The following KIAA1614 variants were observed in gnomAD, a reference collection of about 807,000 sequenced individuals.
The protein encoded by KIAA1614 is uncharacterized protein KIAA1614.
A neutral mutation model predicts 88.7 loss-of-function variants in KIAA1614; 76 were observed. That is an observed-to-expected ratio of 0.86 (90% CI 0.71 to 1.04). KIAA1614 has a LOEUF of 1.04. Ranked by LOEUF, KIAA1614 falls within the 50% of genes least tolerant of loss-of-function variation. The pLI is 0.00. For missense variants in KIAA1614, 1,553 were observed against 1,582.5 expected (o/e 0.98, Z 0.32); for synonymous variants, 714 against 675.5 (o/e 1.06, Z -0.88).
In KIAA1614 at chr1:180,913,208, G is replaced by A. The variant is rs1244209530; in HGVS notation, c.-36G>A. On this transcript the variant is annotated 5_prime_UTR_variant, in exon 1 of 9. Transcript: ENST00000367588. ...CGAACCCAGCAGCTGGCCTGGGAGG[G>A]AGAAGGGGCTGGAGAGGGCCTGGCC... is the stretch of plus-strand genomic sequence containing the variant. 2 of 1,253,318 alleles carry A rather than the reference G, an allele frequency of 1.6e-6. No individual in the cohort carries two copies. The highest frequency in any genetic ancestry group is 2.0e-6 in the Non-Finnish European group (2 of 991,360). The allele number at this position is 1,253,318 out of a possible 1,614,324, so 77.6% of individuals were successfully genotyped here.
chr1:180,930,066 C>G (rs1654160324), intron 4 of KIAA1614, among the ~76,000 whole-genome samples: 1 of 152,162 alleles, frequency 6.6e-6, no homozygotes, highest in Non-Finnish European at 1.5e-5. Flanking sequence ...AACAGACTGC[C>G]CTTGTATTTC....
Position 180,916,511 on chromosome 1 carries a change from A to G in KIAA1614, c.408A>G (p.Pro136=), listed in dbSNP as rs772889169. The change falls in exon 2 of 9, where the codon CCA becomes CCG. Residue 136 remains proline (P), a synonymous_variant. Coordinates refer to ENST00000367588, the MANE Select transcript of KIAA1614 (RefSeq NM_020950.2). ...AGTPSEGSFL[P]GAVVAPRTQN... is the part of the protein sequence containing the mutation. ...CTCCATCAGAGGGGTCTTTCCTGCC[A>G]GGTGCTGTGGTGGCTCCTCGTACCC... 1.2e-6 allele frequency: 2 copies of G among 1,614,056 alleles called. No homozygotes were observed. The highest frequency in any genetic ancestry group is 4.5e-5 in the East Asian group (2 of 44,874).
rs1282564030 is a variant in KIAA1614 at position 180,935,252 on chromosome 1, C to T, written c.1343C>T (p.Ser448Leu). Residue 448 changes from serine (S) to leucine (L), a missense_variant, in exon 5 of 9, where the codon TCG becomes TTG. By Grantham distance (145) the Ser-to-Leu change is moderately radical. Coordinates refer to ENST00000367588, the MANE Select transcript of KIAA1614 (RefSeq NM_020950.2). The surrounding 1 kb of genome is among the most constrained non-coding windows in gnomAD (Gnocchi z 6.1). Reference protein sequence around the residue: ...GHRPRRGPSPSHVRFEDESAR... With the variant: ...GHRPRRGPSPLHVRFEDESAR... ...AGGCCGAGGCGGGGCCCCTCGCCGT[C>T]GCACGTGCGCTTTGAGGATGAGTCC... 1 of 1,524,820 alleles carries T rather than the reference C, an allele frequency of 6.6e-7. No individual in the cohort carries two copies. The highest frequency in any genetic ancestry group is 1.3e-5 in the South Asian group (1 of 78,490). The allele number at this position is 1,524,820 out of a possible 1,614,324, so 94.5% of individuals were successfully genotyped here. A position where few individuals can be genotyped will look rare whatever the true frequency, so the allele number is the denominator to read the frequency against.
chr1:180,929,557 C>T (rs988190774), intron 4 of KIAA1614, among the ~76,000 whole-genome samples: 10 of 152,208 alleles, frequency 6.6e-5, no homozygotes, highest in African/African-American at 2.4e-4. Context: ...GGTAGGAAAA[C>T]AACAAGGTCA....
At position 180,917,016 on chromosome 1, in the gene KIAA1614, C is replaced by T; in HGVS notation, c.913C>T (p.Gln305Ter). The T allele has an allele frequency of 6.2e-7, 1 of 1,614,002 alleles. No homozygotes were observed. Among genetic ancestry groups the T allele is most frequent in the Non-Finnish European group, 8.5e-7 (1 of 1,180,040 alleles). ...GGTGGAGAGAAACCGCCTGTTGCTGCAGGAGATGCTCAACGTTTCTGGGCA... is the reference window on the plus strand; with the variant it reads ...GGTGGAGAGAAACCGCCTGTTGCTGTAGGAGATGCTCAACGTTTCTGGGCA... ...DRVERNRLLL[Q>*]EMLNVSGQSP... Residue 305 changes from glutamine to a stop codon, truncating the protein, a stop_gained, in exon 2 of 9, where the codon CAG becomes TAG. Coordinates refer to ENST00000367588, the MANE Select transcript of KIAA1614 (RefSeq NM_020950.2). LOFTEE classifies it high-confidence loss of function.
chr1:180,919,449 C>T (rs1038536272), intron 3 of KIAA1614, among the ~76,000 whole-genome samples: 4 of 152,232 alleles, frequency 2.6e-5, no homozygotes, highest in African/African-American at 9.7e-5. Flanking sequence ...CTCTGCTCCC[C>T]TGTCTGCGCC....
At position 180,945,284 on chromosome 1, in the gene KIAA1614, G is replaced by A; in HGVS notation, c.3288-19G>A. ...GCCTGATGCTTTTTGCCCTCACTGTGTCTCTGGTTCCCTCGCAGGCCGGCC... is the reference window on the plus strand; with the variant it reads ...GCCTGATGCTTTTTGCCCTCACTGTATCTCTGGTTCCCTCGCAGGCCGGCC... On this transcript the variant is annotated intron_variant, in intron 8 of 8. Coordinates refer to ENST00000367588, the MANE Select transcript of KIAA1614 (RefSeq NM_020950.2). The A allele has an allele frequency of 6.4e-7, 1 of 1,571,190 alleles. No homozygotes were observed. The highest frequency in any genetic ancestry group is 1.4e-5 in the African/African-American group (1 of 72,218).
intron 6 of KIAA1614, among the ~76,000 whole-genome samples, chr1:180,940,498 C>T (rs1356751181): frequency 6.6e-6 from 1 of 151,902 alleles, no homozygotes; most frequent in Non-Finnish European, 1.5e-5. Flanking sequence ...GAGACTCCAT[C>T]TCAAAAAAGA....
intron 4 of KIAA1614, among the ~76,000 whole-genome samples, chr1:180,929,338 G>T (rs1229425800): frequency 6.6e-6 from 1 of 152,134 alleles, no homozygotes; most frequent in Non-Finnish European, 1.5e-5. Context: ...ATGAGCCCAG[G>T]GTTCTGACTC....
intron 3 of KIAA1614, among the ~76,000 whole-genome samples, chr1:180,918,363 G>A (rs1051799468): frequency 3.3e-5 from 5 of 152,180 alleles, no homozygotes; most frequent in African/African-American, 1.2e-4. Context: ...CTGGGATCAT[G>A]TCAAAGATTT....
intron 4 of KIAA1614, among the ~76,000 whole-genome samples, chr1:180,928,986 T>TAG (rs1654135770): frequency 6.6e-6 from 1 of 152,176 alleles, no homozygotes; most frequent in Non-Finnish European, 1.5e-5. Flanking sequence ...GACGGAAGTA[T>TAG]AGATATGCAC....
At position 180,945,920 on chromosome 1, in the gene KIAA1614, C is replaced by A; in HGVS notation, c.*332C>A. On this transcript the variant is annotated 3_prime_UTR_variant, in exon 9 of 9. Coordinates refer to ENST00000367588, the MANE Select transcript of KIAA1614 (RefSeq NM_020950.2). Reference sequence around the variant, plus strand: ...AGGAGTTCGAGACCAGTCTGGCCCACATGGTGAAACCCATGTCTACTAAAA... The same window carrying A: ...AGGAGTTCGAGACCAGTCTGGCCCAAATGGTGAAACCCATGTCTACTAAAA... 4.1e-6 allele frequency: 2 copies of A among 483,256 alleles called. No homozygotes were observed. Among genetic ancestry groups the A allele is most frequent in the Non-Finnish European group, 5.6e-6 (2 of 354,968 alleles). The allele number at this position is 483,256 out of a possible 1,614,324, so 29.9% of individuals were successfully genotyped here.
Position 180,915,394 on chromosome 1 carries a change from C to T in KIAA1614, c.51-760C>T, listed in dbSNP as rs60281665. 7.9e-3 allele frequency among the ~76,000 whole-genome samples: 1,205 copies of T among 152,226 alleles called. 16 individuals are homozygous for T. The highest frequency in any genetic ancestry group is 0.028 in the African/African-American group (1,153 of 41,532). Reference sequence around the variant, plus strand: ...AGAGCATGTTGCCTGTTAGCAGATGCGGGCATCCTCCACTGAAGCTACCCT... The same window carrying T: ...AGAGCATGTTGCCTGTTAGCAGATGTGGGCATCCTCCACTGAAGCTACCCT... On this transcript the variant is annotated intron_variant, in intron 1 of 8. Coordinates refer to ENST00000367588, the MANE Select transcript of KIAA1614 (RefSeq NM_020950.2).
intron 8 of KIAA1614, 98 bp downstream of exon 8, chr1:180,944,614 AG>A (rs1654547041): frequency 7.2e-7 from 1 of 1,385,196 alleles, no homozygotes; most frequent in South Asian, 1.3e-5. Context: ...GGCTCTGAGC[AG>A]GGTCCTTTGA....
chr1:180,916,856 G>C lies in KIAA1614; in HGVS notation c.753G>C (p.Glu251Asp), dbSNP rs1395365369. Residue 251 changes from glutamate (E) to aspartate (D), a missense_variant, in exon 2 of 9, where the codon GAG (glutamate) becomes GAC (aspartate). By Grantham distance (45) the Glu-to-Asp change is conservative (BLOSUM62 2). Transcript: ENST00000367588. ...CTTTTCCAGATGGCGTGGTGACAGAGGCAGATCTGGATAGCACATCCCTGA... is the reference window on the plus strand; with the variant it reads ...CTTTTCCAGATGGCGTGGTGACAGACGCAGATCTGGATAGCACATCCCTGA... ...SYPFPDGVVT[E>D]ADLDSTSLTS... 2 of 1,614,244 alleles carry C rather than the reference G, an allele frequency of 1.2e-6. No homozygotes were observed. The highest frequency in any genetic ancestry group is 1.7e-6 in the Non-Finnish European group (2 of 1,180,046).
intron 4 of KIAA1614, among the ~76,000 whole-genome samples, chr1:180,931,627 C>T (rs1460750788): frequency 6.6e-6 from 1 of 152,182 alleles, no homozygotes; most frequent in South Asian, 2.1e-4. Context: ...GCTGAAAGCA[C>T]CTTATGTGAT....
At position 180,936,460 on chromosome 1, in the gene KIAA1614, G is replaced by A. The variant is rs1284047899; in HGVS notation, c.2551G>A (p.Val851Ile). 6.2e-7 allele frequency: 1 copy of A among 1,613,984 alleles called. No homozygotes were observed. The highest frequency in any genetic ancestry group is 2.2e-5 in the East Asian group (1 of 44,868). ...GIPRPPSRSA[V>I]LRTCELPPSQ... ...CCCTCGGCCTCCTTCAAGAAGCGCGGTTCTCAGGACCTGTGAGCTGCCCCC... is the reference window on the plus strand; with the variant it reads ...CCCTCGGCCTCCTTCAAGAAGCGCGATTCTCAGGACCTGTGAGCTGCCCCC... The change falls in exon 5 of 9, where the codon GTT becomes ATT. Residue 851 changes from valine (V) to isoleucine (I), a missense_variant. Coordinates refer to ENST00000367588, the MANE Select transcript of KIAA1614 (RefSeq NM_020950.2).
At position 180,917,966 on chromosome 1, in the gene KIAA1614, T is replaced by C. The variant is rs1232047399; in HGVS notation, c.1061+52T>C. The C allele has an allele frequency of 2.7e-6, 4 of 1,473,018 alleles. No homozygotes were observed. In the African/African-American group the frequency reaches 4.2e-5, roughly 15 times the overall value. The allele number at this position is 1,473,018 out of a possible 1,614,324, so 91.2% of individuals were successfully genotyped here. ...CTCCCTCCCTCCTCACCATGGTCCC[T>C]CTATTTACTCAGCATCAGGACAGTA... is the stretch of plus-strand genomic sequence containing the variant. On this transcript the variant is annotated intron_variant, in intron 3 of 8. Transcript: ENST00000367588.
intron 3 of KIAA1614, among the ~76,000 whole-genome samples, chr1:180,922,450 TC>T (rs1653976522): frequency 6.6e-6 from 1 of 151,630 alleles, no homozygotes; most frequent in Admixed American, 6.6e-5. Context: ...GGAGGGCGGG[TC>T]CCGATCTTCA....
Sources: allele counts gnomAD v4.1 joint callset (sites outside exome capture counted in the v4.1 genomes callset), GRCh38; gene constraint gnomAD v4.1.1; non-coding constraint Gnocchi (gnomAD v3.1); transcripts MANE v1.5; gene names NCBI Gene and HGNC (gene_info 2026-07-23, HGNC 2026-07-21).